The following CLASP1 variants were observed in gnomAD, a reference collection of about 807,000 sequenced individuals.
CLASP1 encodes CLIP-associating protein 1.
A neutral mutation model predicts 192.3 loss-of-function variants in CLASP1; 38 were observed. The observed-to-expected ratio is 0.20, with a 90% CI of 0.15 to 0.26. The LOEUF (loss-of-function observed/expected upper bound fraction) is 0.26. CLASP1 is among the 10% of genes least tolerant of loss of function. The pLI, the probability that CLASP1 is intolerant of heterozygous loss-of-function variation, is 1.00. For missense variants in CLASP1, 1,433 were observed against 1,932.5 expected (o/e 0.74, Z 4.85); for synonymous variants, 691 against 712.8 (o/e 0.97, Z 0.49).
intron 1 of CLASP1, among the ~76,000 whole-genome samples, chr2:121,631,467 T>C (rs539931481): frequency 4.0e-4 from 61 of 151,832 alleles, no homozygotes; most frequent in African/African-American, 1.4e-3. Flanking sequence ...TTTGTATTTT[T>C]AGTAAAGACG....
intron 2 of CLASP1, among the ~76,000 whole-genome samples, chr2:121,588,806 G>A (rs932272773): frequency 6.6e-6 from 1 of 152,168 alleles, no homozygotes; most frequent in Non-Finnish European, 1.5e-5. Context: ...GGTCACACAT[G>A]GGCCATTTGC....
At chr2:121,526,614 A>C (rs780091853) in intron 5 of CLASP1, among the ~76,000 whole-genome samples, 1 of 152,164 alleles carries the variant, frequency 6.6e-6, no homozygotes, top group Admixed American at 6.5e-5. Flanking sequence ...AATGGCACTG[A>C]AAAGGCTAAC....
At chr2:121,568,364 T>G (rs1380626465) in intron 2 of CLASP1, among the ~76,000 whole-genome samples, 2 of 152,040 alleles carry the variant, frequency 1.3e-5, no homozygotes, top group South Asian at 2.1e-4. Flanking sequence ...CCCCTGGTCC[T>G]CACACTGGGG....
chr2:121,470,776 G>A, intron 8 of CLASP1: 1 of 338,344 alleles, frequency 3.0e-6, no homozygotes, highest in Non-Finnish European at 5.7e-6. Flanking sequence ...TCATATAAAT[G>A]TACATTTCTC....
intron 34 of CLASP1, among the ~76,000 whole-genome samples, chr2:121,376,819 GAACTGT>G (rs1420149388): frequency 6.6e-6 from 1 of 152,128 alleles, no homozygotes; most frequent in African/African-American, 2.4e-5. Context: ...ACTCTATTAT[GAACTGT>G]GCATGCGAGG....
chr2:121,450,361 C>T (rs1050899680), intron 16 of CLASP1, among the ~76,000 whole-genome samples: 10 of 151,668 alleles, frequency 6.6e-5, no homozygotes, highest in Non-Finnish European at 1.5e-4. Flanking sequence ...AAGGAGGTAA[C>T]GAATACAGAG....
At chr2:121,578,854 CA>C (rs890871435) in intron 2 of CLASP1, among the ~76,000 whole-genome samples, 8 of 150,794 alleles carry the variant, frequency 5.3e-5, no homozygotes, top group African/African-American at 1.2e-4. Flanking sequence ...CACACACACA[CA>C]AAAAAAAACT....
intron 2 of CLASP1, among the ~76,000 whole-genome samples, chr2:121,592,942 G>A (rs1005029228): frequency 1.3e-5 from 2 of 152,106 alleles, no homozygotes; most frequent in East Asian, 1.9e-4. Context: ...CACCACGCCC[G>A]GCCTAATAAC....
chr2:121,340,962 T>A lies in CLASP1; in HGVS notation c.4531-15A>T, dbSNP rs191562547. 3.8e-4 allele frequency: 578 copies of A among 1,539,196 alleles called. 2 individuals are homozygous for A. In the African/African-American group the frequency reaches 7.0e-3, roughly 19 times the overall value. ...AGTAGCTTCATCTGAAAAGAGAAGA[T>A]GAAACTGAATTAGCAGGAAGAAAAG... On this transcript the variant is annotated splice_polypyrimidine_tract_variant and intron_variant, in intron 39 of 39. Coordinates refer to ENST00000263710, the Ensembl canonical transcript of CLASP1.
chr2:121,385,888 A>T (rs1404024390), intron 32 of CLASP1, among the ~76,000 whole-genome samples: 1 of 152,214 alleles, frequency 6.6e-6, no homozygotes, highest in Admixed American at 6.5e-5. Context: ...TCTGGCCTCA[A>T]TTATTTAATT....
At chr2:121,607,313 T>G (rs953776268) in intron 1 of CLASP1, among the ~76,000 whole-genome samples, 1 of 152,180 alleles carries the variant, frequency 6.6e-6, no homozygotes, top group Non-Finnish European at 1.5e-5. Flanking sequence ...CACTCCAGCC[T>G]GGGTGACAGA....
chr2:121,425,010 C>A (rs1224618843), intron 22 of CLASP1, 129 bp downstream of exon 22: 6 of 939,008 alleles, frequency 6.4e-6, no homozygotes, highest in South Asian at 5.2e-5. Flanking sequence ...ATAAAGCACA[C>A]CCAGGCAAAG....
At chr2:121,575,640 G>A (rs13395277) in intron 2 of CLASP1, among the ~76,000 whole-genome samples, 30,806 of 152,078 alleles carry the variant, frequency 0.2, 5,836 homozygotes, top group African/African-American at 0.5. Flanking sequence ...GCTCAGTGAC[G>A]TAAAGTGGTC....
At chr2:121,595,622 G>C (rs1240003757) in intron 2 of CLASP1, among the ~76,000 whole-genome samples, 1 of 152,180 alleles carries the variant, frequency 6.6e-6, no homozygotes, top group East Asian at 1.9e-4. Flanking sequence ...TTTTATACCA[G>C]TCAGTTTTTA....
At chr2:121,589,618 G>A (rs780512457) in intron 2 of CLASP1, among the ~76,000 whole-genome samples, 9 of 132,416 alleles carry the variant, frequency 6.8e-5, no homozygotes, top group Non-Finnish European at 1.3e-4. Context: ...TGACAAGAAT[G>A]AAACTCTGTC....
chr2:121,374,655 G>T (rs1041802377), intron 34 of CLASP1, among the ~76,000 whole-genome samples: 14 of 152,228 alleles, frequency 9.2e-5, no homozygotes, highest in African/African-American at 3.1e-4. Context: ...CCTACTCCTT[G>T]CATCAGTGTG....
intron 19 of CLASP1, among the ~76,000 whole-genome samples, chr2:121,437,175 C>T (rs2082448945): frequency 6.6e-6 from 1 of 152,028 alleles, no homozygotes; most frequent in African/African-American, 2.4e-5. Context: ...CACTATATTG[C>T]CCAGGCTTAA....
chr2:121,621,207 T>A (rs558565472), intron 1 of CLASP1, among the ~76,000 whole-genome samples: 1 of 151,616 alleles, frequency 6.6e-6, no homozygotes, highest in East Asian at 1.9e-4. Flanking sequence ...AGCGACAGAG[T>A]GAGAACCTGT....
chr2:121,434,924 C>A (rs78459497), intron 19 of CLASP1, among the ~76,000 whole-genome samples: 3,353 of 152,166 alleles, frequency 0.022, 120 homozygotes, highest in African/African-American at 0.077. Flanking sequence ...TCATCAATTA[C>A]AAATTTTTTT....
Sources: gnomAD v4.1 joint callset for allele counts (sites outside exome capture counted in the v4.1 genomes callset) on GRCh38, gnomAD v4.1.1 for gene constraint, MANE v1.5 for transcripts, NCBI Gene and HGNC (gene_info 2026-07-23, HGNC 2026-07-21) for gene names.